Variants in DPP8 observed in about 807,000 individuals in gnomAD.
DPP8 encodes dipeptidyl peptidase 8.
In DPP8, 31 loss-of-function variants were observed where a neutral mutation model predicts 107.5. The observed-to-expected ratio is 0.29, with a 90% CI of 0.22 to 0.39. The LOEUF is 0.39. Ranked by LOEUF, DPP8 falls within the 10% of genes least tolerant of loss-of-function variation. The pLI is 1.00. For missense variants in DPP8, 842 were observed against 1,076.1 expected (o/e 0.78, Z 3.04); for synonymous variants, 381 against 356.6 (o/e 1.07, Z -0.77).
chr15:65,500,802 T>C, intron 3 of DPP8, 23 bp from the exon 4 acceptor site: 1 of 1,572,718 alleles, frequency 6.4e-7, no homozygotes, highest in Non-Finnish European at 8.7e-7. Flanking sequence ...GAAAGTCACC[T>C]ATTCCAGTCT....
intron 4 of DPP8, among the ~76,000 whole-genome samples, chr15:65,500,319 G>A (rs960999594): frequency 8.6e-5 from 13 of 151,994 alleles, no homozygotes; most frequent in Admixed American, 6.6e-4. Flanking sequence ...TTGGGAGGCT[G>A]AGGCAGGAGA....
rs781731423 is a variant in DPP8, at chr15:65,497,912, A to C, written c.667T>G (p.Ser223Ala). 1.3e-6 allele frequency: 2 copies of C among 1,594,304 alleles called. No homozygotes were observed. The highest frequency in any genetic ancestry group is 1.7e-5 in the Admixed American group (1 of 59,072). ...AFIHSNDIWI[S>A]NIVTREERRL... ...CTTTCTTCTCTGGTTACGATGTTAG[A>C]TATCCAAATATCGTTGCTATGTATA... The change falls in exon 5 of 20, where the codon TCT becomes GCT. Residue 223 changes from serine (S) to alanine (A), a missense_variant. This residue lies in a region of DPP8 where 663 missense variants were observed against 758.0 expected (regional missense o/e 0.87). Coordinates refer to ENST00000300141, the MANE Select transcript of DPP8 (RefSeq NM_130434.5).
chr15:65,511,300 A>T (rs992776823), intron 2 of DPP8, among the ~76,000 whole-genome samples: 1 of 152,180 alleles, frequency 6.6e-6, no homozygotes, highest in Non-Finnish European at 1.5e-5. Context: ...TAGCCTGAGC[A>T]ACATGGCAAA....
intron 3 of DPP8, chr15:65,502,985 G>C (rs55981905): frequency 6.6e-6 from 1 of 152,146 alleles, no homozygotes. Context: ...GGAAGACAGA[G>C]TAAATGCGTA....
intron 9 of DPP8, 130 bp from the exon 10 acceptor site, chr15:65,480,529 T>A: frequency 1.9e-6 from 1 of 539,822 alleles, no homozygotes; most frequent in Non-Finnish European, 3.2e-6. Context: ...TAGTGTATAT[T>A]AAATTATCAC....
In DPP8 at chr15:65,468,489, T is replaced by C. The variant is rs1482408515; in HGVS notation, c.1537-1266A>G. On this transcript the variant is annotated intron_variant, in intron 12 of 19. Coordinates refer to ENST00000300141, the MANE Select transcript of DPP8 (RefSeq NM_130434.5). ...AGCCTGGGCAACAGAGCAAGACCCT[T>C]ATCTCAAAAAAAAAAAAAAATTCAA... is the stretch of plus-strand genomic sequence containing the variant. Among the ~76,000 whole-genome samples the C allele has an allele frequency of 7.9e-5, 10 of 125,894 alleles. No individual in the cohort carries two copies. The South Asian group carries it at 2.8e-3, about 36-fold the overall frequency. The allele number at this position is 125,894 out of a possible 152,430, so 82.6% of individuals were successfully genotyped here.
intron 11 of DPP8, among the ~76,000 whole-genome samples, chr15:65,474,750 T>C (rs1026477803): frequency 6.6e-6 from 1 of 152,230 alleles, no homozygotes; most frequent in Admixed American, 6.5e-5. Context: ...ATTACAGGCA[T>C]GGGCCTGAAT....
At chr15:65,487,186 G>C (rs2067528101) in intron 7 of DPP8, among the ~76,000 whole-genome samples, 1 of 150,314 alleles carries the variant, frequency 6.7e-6, no homozygotes. Flanking sequence ...TTTCACTCTT[G>C]TTGCCTAGGC....
intron 19 of DPP8, 132 bp downstream of exon 19, chr15:65,450,867 C>T: frequency 1.7e-6 from 1 of 599,806 alleles, no homozygotes; most frequent in Non-Finnish European, 2.9e-6. Context: ...ACTAAATATG[C>T]CTCTTACTTT....
intron 12 of DPP8, among the ~76,000 whole-genome samples, chr15:65,472,760 C>T (rs906936514): frequency 6.6e-6 from 1 of 152,120 alleles, no homozygotes; most frequent in African/African-American, 2.4e-5. Context: ...GTGGGCTTGG[C>T]CAGGCGTGGT....
chr15:65,460,115 T>C (rs2064786361), intron 15 of DPP8, among the ~76,000 whole-genome samples: 1 of 152,116 alleles, frequency 6.6e-6, no homozygotes, highest in Non-Finnish European at 1.5e-5. Flanking sequence ...TTTCCAGAAC[T>C]TTTTCATCAC....
At chr15:65,466,957 C>A (rs1162516892) in intron 13 of DPP8, 114 bp downstream of exon 13, 3 of 1,455,368 alleles carry the variant, frequency 2.1e-6, no homozygotes, top group Non-Finnish European at 1.9e-6. Context: ...CTTTTTAAAG[C>A]TTTTCCTTAG....
chr15:65,502,217 A>G (rs2069324354), intron 3 of DPP8, among the ~76,000 whole-genome samples: 1 of 151,704 alleles, frequency 6.6e-6, no homozygotes, highest in Non-Finnish European at 1.5e-5. Context: ...TCTTTCATTT[A>G]TGTCCTAAAT....
rs760051987 is a variant in DPP8, at chr15:65,500,621, C to T, written c.531G>A (p.Gly177=). Residue 177 remains glycine, a synonymous_variant, in exon 4 of 20, where the codon GGG becomes GGA. Coordinates refer to ENST00000300141, the MANE Select transcript of DPP8 (RefSeq NM_130434.5). ...TCCAACTTACCGTAAATCCTTGTGG[C>T]CCTCCATCTTTTACGTGATAAATTC... The part of the protein sequence containing the change: ...GSGIYHVKDG[G]PQGFTQQPLR... The T allele has an allele frequency of 2.3e-5, 37 of 1,613,714 alleles. No individual in the cohort carries two copies. The South Asian group carries it at 4.0e-4, about 17-fold the overall frequency.
At chr15:65,466,836 T>A in intron 13 of DPP8, 23 bp from the exon 14 acceptor site, 1 of 1,603,314 alleles carries the variant, frequency 6.2e-7, no homozygotes, top group African/African-American at 1.3e-5. Flanking sequence ...GAAACAATTA[T>A]ATTTTTCGTC....
chr15:65,511,835 TAACA>T lies in DPP8; in HGVS notation c.259+456_259+459del, dbSNP rs2070826266. 1.2e-4 allele frequency: 30 copies of T among 246,144 alleles called. No individual in the cohort carries two copies. The South Asian group carries it at 1.4e-3, about 12-fold the overall frequency. 15.2% of individuals were successfully genotyped at this position (246,144 alleles called of 1,614,324 possible). On this transcript the variant is annotated intron_variant, in intron 2 of 19. Coordinates refer to ENST00000300141, the MANE Select transcript of DPP8 (RefSeq NM_130434.5). ...GGGAAGGAACCTACCTTTAAAAATTTAACAAACAAGAAAGTAAATCAGTAGATTA... is the reference window on the plus strand; with the variant it reads ...GGGAAGGAACCTACCTTTAAAAATTTAACAAGAAAGTAAATCAGTAGATTA...
intron 19 of DPP8, among the ~76,000 whole-genome samples, chr15:65,448,103 G>A (rs1161474271): frequency 6.6e-6 from 1 of 152,110 alleles, no homozygotes; most frequent in African/African-American, 2.4e-5. Context: ...CTAGCTTTAA[G>A]CCAGATGCAG....
At chr15:65,511,881 C>A in intron 2 of DPP8, 3 of 251,260 alleles carry the variant, frequency 1.2e-5, no homozygotes, top group East Asian at 9.0e-5. Flanking sequence ...TTAACATAGG[C>A]AGACATTAAA....
intron 5 of DPP8, among the ~76,000 whole-genome samples, chr15:65,495,229 T>C (rs575873856): frequency 6.6e-6 from 1 of 152,304 alleles, no homozygotes; most frequent in East Asian, 1.9e-4. Flanking sequence ...GGATAATATA[T>C]AGACATTACT....
Sources: allele counts gnomAD v4.1 joint callset (sites outside exome capture counted in the v4.1 genomes callset), GRCh38; gene constraint gnomAD v4.1.1; regional missense constraint gnomAD v4.1.1; transcripts MANE v1.5; gene names NCBI Gene and HGNC (gene_info 2026-07-23, HGNC 2026-07-21).